The following ZFYVE1 variants were observed in gnomAD, a reference collection of about 807,000 sequenced individuals.
ZFYVE1 encodes the protein zinc finger FYVE-type containing 1.
Under a neutral mutation model 74.4 loss-of-function variants are expected in ZFYVE1, and 30 were observed. The observed-to-expected ratio is 0.40, with a 90% CI of 0.30 to 0.55. The LOEUF (loss-of-function observed/expected upper bound fraction) is 0.55, where lower values mean the gene tolerates loss of function less well. Among genes scored for constraint, ZFYVE1 ranks in the 20% least tolerant of loss-of-function variants. The pLI is 0.42. For missense variants in ZFYVE1, 703 were observed against 1,011.6 expected, an observed-to-expected ratio of 0.69 and a Z score of 4.14; for synonymous variants, 335 against 385.1, an observed-to-expected ratio of 0.87 and a Z score of 1.52.
At position 73,024,186 on chromosome 14, in the gene ZFYVE1, T is replaced by C; in HGVS notation, c.323A>G (p.His108Arg). The change falls in exon 2 of 12, where the codon CAT becomes CGT. Residue 108 changes from histidine to arginine, a missense_variant. Coordinates refer to ENST00000556143, the MANE Select transcript of ZFYVE1 (RefSeq NM_021260.4). ...NLCLECQKRT[H>R]SGGNKRRHPV... ...GTGTCTCCTTTTGTTACCCCCAGAA[T>C]GAGTCCTCTTCTGGCACTCCAGGCA... 6.2e-7 allele frequency: 1 copy of C among 1,614,184 alleles called. No homozygotes were observed. The highest frequency in any genetic ancestry group is 8.5e-7 in the Non-Finnish European group (1 of 1,180,032).
At chr14:73,004,221 G>A (rs1021099035) in intron 2 of ZFYVE1, among the ~76,000 whole-genome samples, 1 of 152,102 alleles carries the variant, frequency 6.6e-6, no homozygotes, top group Admixed American at 6.6e-5. Context: ...ACGGAGTCAG[G>A]TGAGCTCAGG....
At chr14:72,983,513 C>T (rs942049174) in intron 4 of ZFYVE1, among the ~76,000 whole-genome samples, 16 of 151,946 alleles carry the variant, frequency 1.1e-4, no homozygotes, top group Non-Finnish European at 1.8e-4. Context: ...CATCCATGTC[C>T]CTACAAAGGA....
intron 11 of ZFYVE1, among the ~76,000 whole-genome samples, chr14:72,972,455 G>A (rs1893058536): frequency 6.6e-6 from 1 of 152,208 alleles, no homozygotes; most frequent in African/African-American, 2.4e-5. Flanking sequence ...TGCAACCTGA[G>A]ATTTAAGCTT....
intron 5 of ZFYVE1, among the ~76,000 whole-genome samples, chr14:72,980,547 T>TTATG (rs1893298230): frequency 1.7e-5 from 2 of 114,804 alleles, no homozygotes; most frequent in Admixed American, 9.4e-5. Context: ...ATTTATTTAT[T>TTATG]TATTTATTTA....
intron 2 of ZFYVE1, among the ~76,000 whole-genome samples, chr14:73,023,385 ATTT>A (rs1567367014): frequency 1.2e-4 from 1 of 8,132 alleles, no homozygotes; most frequent in Non-Finnish European, 4.4e-4. Context: ...TAATATATAT[ATTT>A]TATGTGTTTT....
chr14:72,971,665 ACT>A (rs1176099392), intron 11 of ZFYVE1, among the ~76,000 whole-genome samples: 4 of 151,780 alleles, frequency 2.6e-5, no homozygotes, highest in Admixed American at 6.6e-5. Flanking sequence ...ACAGGGTCTC[ACT>A]CTGTTGCCCA....
At chr14:72,987,855 G>A (rs1456549749) in intron 4 of ZFYVE1, among the ~76,000 whole-genome samples, 1 of 152,152 alleles carries the variant, frequency 6.6e-6, no homozygotes. Context: ...GGGGCCTGGG[G>A]CCTGCACAAC....
chr14:73,004,440 A>G (rs1893935335), intron 2 of ZFYVE1, among the ~76,000 whole-genome samples: 1 of 151,896 alleles, frequency 6.6e-6, no homozygotes, highest in African/African-American at 2.4e-5. Flanking sequence ...ATTCATATTA[A>G]GTGTCCACCA....
intron 4 of ZFYVE1, among the ~76,000 whole-genome samples, chr14:72,983,821 T>C (rs1253807907): frequency 6.6e-6 from 1 of 152,144 alleles, no homozygotes; most frequent in Non-Finnish European, 1.5e-5. Flanking sequence ...GTAAAAGTGT[T>C]CCTATTTCTC....
intron 2 of ZFYVE1, 77 bp from the exon 3 acceptor site, chr14:72,998,392 C>T: frequency 1.5e-6 from 2 of 1,330,666 alleles, no homozygotes. Flanking sequence ...AGAAGTGCTT[C>T]CCAAGGACAA....
At position 72,970,410 on chromosome 14, in the gene ZFYVE1, G is replaced by A. The variant is rs561857653; in HGVS notation, c.*472C>T. The A allele has an allele frequency of 1.7e-5, 3 of 178,720 alleles. No individual in the cohort carries two copies. Among genetic ancestry groups the A allele is most frequent in the African/African-American group, 7.1e-5 (3 of 42,176 alleles). 11.1% of individuals were successfully genotyped at this position (178,720 alleles called of 1,614,324 possible). On this transcript the variant is annotated 3_prime_UTR_variant, in exon 12 of 12. Transcript: ENST00000556143. ...GGCATGGAGGGAAGAGCCAAGGACAGGAGAGGCTTCCAAGGCTCCAAGAGC... is the reference window on the plus strand; with the variant it reads ...GGCATGGAGGGAAGAGCCAAGGACAAGAGAGGCTTCCAAGGCTCCAAGAGC...
intron 10 of ZFYVE1, 143 bp from the exon 11 acceptor site, chr14:72,974,336 TG>T: frequency 1.3e-6 from 1 of 761,514 alleles, no homozygotes; most frequent in Non-Finnish European, 2.2e-6. Context: ...GTCTGTGCTG[TG>T]GGTCAGGTCA....
rs1893051123 is a variant in ZFYVE1 at position 72,972,160 on chromosome 14, G to A, written c.2102-1046C>T. 2.0e-5 allele frequency among the ~76,000 whole-genome samples: 3 copies of A among 152,214 alleles called. No homozygotes were observed. In the South Asian group the frequency reaches 6.2e-4, roughly 32 times the overall value. ...ACCTGGGAGGTGGAGGTTGCAGTAAGCCAAGATCACACCACTGCACTCCAG... is the reference window on the plus strand; with the variant it reads ...ACCTGGGAGGTGGAGGTTGCAGTAAACCAAGATCACACCACTGCACTCCAG... On this transcript the variant is annotated intron_variant, in intron 11 of 11. Coordinates refer to ENST00000556143, the MANE Select transcript of ZFYVE1 (RefSeq NM_021260.4).
chr14:73,018,362 C>T (rs1894242761), intron 2 of ZFYVE1, among the ~76,000 whole-genome samples: 1 of 135,894 alleles, frequency 7.4e-6, no homozygotes, highest in African/African-American at 2.8e-5. Flanking sequence ...ACCCGGGAGG[C>T]GGAGGTTGCA....
At chr14:72,989,418 G>A (rs925582172) in intron 4 of ZFYVE1, among the ~76,000 whole-genome samples, 4 of 152,148 alleles carry the variant, frequency 2.6e-5, no homozygotes, top group South Asian at 4.1e-4. Context: ...AGACACTTAT[G>A]TGAGAAAGTA....
chr14:73,007,504 A>G (rs1208940561), intron 2 of ZFYVE1, among the ~76,000 whole-genome samples: 1 of 152,040 alleles, frequency 6.6e-6, no homozygotes, highest in East Asian at 1.9e-4. Flanking sequence ...CCTCCTAGGT[A>G]GCTAGGAGGA....
At chr14:72,981,110 A>C (rs1893318914) in intron 5 of ZFYVE1, among the ~76,000 whole-genome samples, 1 of 152,214 alleles carries the variant, frequency 6.6e-6, no homozygotes, top group Non-Finnish European at 1.5e-5. Context: ...GCATTCTAAC[A>C]GAATCTCAAG....
chr14:72,976,036 T>G (rs112777792), intron 8 of ZFYVE1: 1 of 251,252 alleles, frequency 4.0e-6, no homozygotes, highest in Admixed American at 5.0e-5. Flanking sequence ...TACTTGGACA[T>G]CTCTAGGAAT....
Position 72,998,587 on chromosome 14 carries a change from T to TA in ZFYVE1, c.484-273dup, listed in dbSNP as rs1378395469. On this transcript the variant is annotated intron_variant, in intron 2 of 11. Coordinates refer to ENST00000556143, the MANE Select transcript of ZFYVE1 (RefSeq NM_021260.4). ...AAAGAAAAAAACAAAAAAAAGGAGC[T>TA]AAAACCGTAAAACTCTTAGAGGAAA... is the stretch of plus-strand genomic sequence containing the variant. 3.9e-5 allele frequency among the ~76,000 whole-genome samples: 6 copies of TA among 151,990 alleles called. No individual in the cohort carries two copies. In the South Asian group the frequency reaches 8.3e-4, roughly 21 times the overall value.
Sources: gnomAD v4.1 joint callset for allele counts (sites outside exome capture counted in the v4.1 genomes callset) on GRCh38, gnomAD v4.1.1 for gene constraint, MANE v1.5 for transcripts, NCBI Gene and HGNC (gene_info 2026-07-23, HGNC 2026-07-21) for gene names.